TBC1D32: variants seen among roughly 807,000 people sequenced by gnomAD.
TBC1D32 encodes the protein TBC1 domain family member 32.
TBC1D32 carries 151 observed loss-of-function variants against 170.3 expected under a neutral mutation model. That is an observed-to-expected ratio of 0.89 (90% CI 0.78 to 1.01). The LOEUF (loss-of-function observed/expected upper bound fraction) is 1.01, where lower values mean the gene tolerates loss of function less well. Among genes scored for constraint, TBC1D32 ranks in the 50% least tolerant of loss-of-function variants. TBC1D32 has a pLI of 0.00. For synonymous variants in TBC1D32, 498 were observed against 488.0 expected, an observed-to-expected ratio of 1.02 and a Z score of -0.27; for missense variants, 1,464 against 1,457.1, an observed-to-expected ratio of 1.00 and a Z score of -0.08.
At position 121,130,414 on chromosome 6, in the gene TBC1D32, G is replaced by A. The variant is rs928377685; in HGVS notation, c.2899+1213C>T. Among the ~76,000 whole-genome samples, 14 of 152,066 alleles carry A rather than the reference G, an allele frequency of 9.2e-5. No homozygotes were observed. In the South Asian group the frequency reaches 1.7e-3, roughly 18 times the overall value. ...GGAGAATCGCCTGAACCCAGGAGGC[G>A]GAGGTTGTAGTGAGCCAAGATCGCA... On this transcript the variant is annotated intron_variant, in intron 25 of 31. Transcript: ENST00000398212.
chr6:121,232,596 T>G (rs1795884869), intron 20 of TBC1D32, among the ~76,000 whole-genome samples: 1 of 152,192 alleles, frequency 6.6e-6, no homozygotes, highest in South Asian at 2.1e-4. Flanking sequence ...CTGATTTCTT[T>G]CAGCAGTGTT....
At chr6:121,311,858 G>A (rs148706599) in intron 3 of TBC1D32, among the ~76,000 whole-genome samples, 4,989 of 152,194 alleles carry the variant, frequency 0.033, 192 homozygotes, top group East Asian at 0.12. Context: ...TATTCCTCAA[G>A]GATCTAGAAC....
At position 121,240,357 on chromosome 6, in the gene TBC1D32, A is replaced by ATTTTTTTTTT. The variant is rs35946120; in HGVS notation, c.2245+1098_2245+1107dup. ...AAAATTAGTGGTTCAGTTTAGGACAATTTTTTTTTTTTTTTTTTTTTTTTT... is the reference window on the plus strand; with the variant it reads ...AAAATTAGTGGTTCAGTTTAGGACAATTTTTTTTTTTTTTTTTTTTTTTTTTTTTTTTTTT... On this transcript the variant is annotated intron_variant, in intron 19 of 31. Coordinates refer to ENST00000398212, the MANE Select transcript of TBC1D32 (RefSeq NM_152730.6). 5.5e-3 allele frequency among the ~76,000 whole-genome samples: 412 copies of ATTTTTTTTTT among 75,266 alleles called. 33 individuals are homozygous for ATTTTTTTTTT. The highest frequency in any genetic ancestry group is 6.5e-3 in the East Asian group (19 of 2,916). 49.4% of individuals were successfully genotyped at this position (75,266 alleles called of 152,430 possible).
chr6:121,294,635 A>G lies in TBC1D32; in HGVS notation c.1166T>C (p.Val389Ala). The G allele has an allele frequency of 1.2e-6, 2 of 1,612,456 alleles. No individual in the cohort carries two copies. The highest frequency in any genetic ancestry group is 1.7e-6 in the Non-Finnish European group (2 of 1,179,336). Residue 389 changes from valine (V) to alanine (A), a missense_variant, in exon 11 of 32, where the codon GTT becomes GCT. Physicochemically the swap from Val to Ala is moderately conservative, Grantham distance 64. Around this residue, in one of 3 missense-constraint regions of TBC1D32, gnomAD observed 1,363 missense variants for 1,338.1 expected, o/e 1.02. Coordinates refer to ENST00000398212, the MANE Select transcript of TBC1D32 (RefSeq NM_152730.6). ...SLVTTAIQQC[V>A]QYFEMCKTRK... The stretch of plus-strand genomic sequence containing the variant: ...AGTCTTACACATTTCAAAGTACTGA[A>G]CACACTGTTGAATGGCTGTAGTTAC...
intron 31 of TBC1D32, among the ~76,000 whole-genome samples, chr6:121,088,713 A>G (rs575502202): frequency 6.6e-6 from 1 of 152,340 alleles, no homozygotes; most frequent in East Asian, 1.9e-4. Context: ...CTAATCTCTC[A>G]GATAAATGAA....
chr6:121,181,958 A>C (rs1788573332), intron 22 of TBC1D32, among the ~76,000 whole-genome samples: 1 of 152,094 alleles, frequency 6.6e-6, no homozygotes, highest in Non-Finnish European at 1.5e-5. Flanking sequence ...ATGGTGGTTC[A>C]CAATTACTCT....
intron 12 of TBC1D32, among the ~76,000 whole-genome samples, chr6:121,288,913 T>C (rs1204375745): frequency 2.6e-5 from 4 of 152,170 alleles, no homozygotes; most frequent in Non-Finnish European, 5.9e-5. Flanking sequence ...CATATGATTA[T>C]CTCAATAGAT....
At chr6:121,094,569 C>T (rs556817123) in intron 30 of TBC1D32, among the ~76,000 whole-genome samples, 5 of 152,224 alleles carry the variant, frequency 3.3e-5, no homozygotes, top group African/African-American at 9.6e-5. Flanking sequence ...GTAGTTTTTT[C>T]TTTAACAATT....
intron 16 of TBC1D32, 103 bp from the exon 17 acceptor site, chr6:121,255,513 ATTATATT>A (rs1411517912): frequency 3.9e-5 from 4 of 103,318 alleles, no homozygotes; most frequent in East Asian, 3.5e-4. Context: ...TATATTTATA[ATTATATT>A]TTATATTTCT....
At chr6:121,109,720 A>G (rs1261330563) in intron 29 of TBC1D32, among the ~76,000 whole-genome samples, 1 of 152,172 alleles carries the variant, frequency 6.6e-6, no homozygotes, top group Admixed American at 6.5e-5. Flanking sequence ...GGTGTAAATG[A>G]TTTCAAAGGA....
intron 24 of TBC1D32, among the ~76,000 whole-genome samples, chr6:121,151,119 C>T (rs1352153626): frequency 6.6e-6 from 1 of 152,044 alleles, no homozygotes; most frequent in Non-Finnish European, 1.5e-5. Context: ...TAGGTCTTTC[C>T]CACTTTCTCT....
At chr6:121,289,944 A>G (rs575989293) in intron 12 of TBC1D32, among the ~76,000 whole-genome samples, 3 of 152,328 alleles carry the variant, frequency 2.0e-5, no homozygotes, top group Admixed American at 2.0e-4. Flanking sequence ...CTGGATAGAC[A>G]TATGTAGAAA....
At chr6:121,094,399 T>G (rs2128179386) in intron 30 of TBC1D32, among the ~76,000 whole-genome samples, 1 of 152,142 alleles carries the variant, frequency 6.6e-6, no homozygotes, top group Admixed American at 6.6e-5. Flanking sequence ...ACTCCTGACC[T>G]CAAGTGATCC....
At chr6:121,170,648 T>C (rs1055425780) in intron 22 of TBC1D32, 3 of 622,068 alleles carry the variant, frequency 4.8e-6, no homozygotes, top group Non-Finnish European at 7.0e-6. Context: ...GAAAGTATCA[T>C]TTAGTTATTT....
chr6:121,212,174 A>C (rs1011144213), intron 21 of TBC1D32, among the ~76,000 whole-genome samples: 2 of 152,124 alleles, frequency 1.3e-5, no homozygotes, highest in African/African-American at 4.8e-5. Context: ...CTGAACCAGG[A>C]ACAAAGTGAT....
chr6:121,293,925 TAA>T (rs1370324758), intron 11 of TBC1D32, among the ~76,000 whole-genome samples: 1 of 151,870 alleles, frequency 6.6e-6, no homozygotes, highest in Non-Finnish European at 1.5e-5. Flanking sequence ...AATAAATAAA[TAA>T]AATACAGTTT....
In TBC1D32 at chr6:121,104,041, T is replaced by C. The variant is rs565596749; in HGVS notation, c.3465+1982A>G. Reference sequence around the variant, plus strand: ...ACTACATGCAATTCATTGCTATATTTAAATTTCTTATTAACTTCAGAAAGT... The same window carrying C: ...ACTACATGCAATTCATTGCTATATTCAAATTTCTTATTAACTTCAGAAAGT... On this transcript the variant is annotated intron_variant, in intron 30 of 31. Coordinates refer to ENST00000398212, the MANE Select transcript of TBC1D32 (RefSeq NM_152730.6). 1.2e-3 allele frequency among the ~76,000 whole-genome samples: 185 copies of C among 152,032 alleles called. 3 individuals are homozygous for C. The highest frequency in any genetic ancestry group is 4.2e-3 in the African/African-American group (174 of 41,528).
chr6:121,230,106 T>C (rs372929427), intron 20 of TBC1D32, among the ~76,000 whole-genome samples: 14 of 152,220 alleles, frequency 9.2e-5, no homozygotes, highest in South Asian at 4.1e-4. Flanking sequence ...TAGTTCTTCA[T>C]AGTAGTGAAA....
chr6:121,161,026 C>A lies in TBC1D32; in HGVS notation c.2601G>T (p.Glu867Asp). The change falls in exon 23 of 32, where the codon GAG becomes GAT. Residue 867 changes from glutamate (E) to aspartate (D), a missense_variant. Transcript: ENST00000398212. Reference protein sequence around the residue: ...RDFIIDGLSVERNHVLVRINL... With the variant: ...RDFIIDGLSVDRNHVLVRINL... ...TTATTCTAACAAGAACATGATTTCT[C>A]TCCACTGATAAGCCATCAATTATAA... The A allele has an allele frequency of 6.2e-7, 1 of 1,613,298 alleles. No individual in the cohort carries two copies. The highest frequency in any genetic ancestry group is 8.5e-7 in the Non-Finnish European group (1 of 1,179,692).
Sources: gnomAD v4.1 joint callset for allele counts (sites outside exome capture counted in the v4.1 genomes callset) on GRCh38, gnomAD v4.1.1 for gene constraint, gnomAD v4.1.1 regional missense constraint, MANE v1.5 for transcripts, NCBI Gene and HGNC (gene_info 2026-07-23, HGNC 2026-07-21) for gene names.